CACNA2D1: variants seen among roughly 807,000 people sequenced by gnomAD.
CACNA2D1 encodes calcium voltage-gated channel auxiliary subunit alpha2delta 1.
CACNA2D1 carries 53 observed loss-of-function variants against 171.5 expected under a neutral mutation model. The ratio of observed to expected loss-of-function variants is 0.31; its 90% CI spans 0.25 to 0.39. CACNA2D1 has a LOEUF of 0.39. Ranked by LOEUF, CACNA2D1 falls within the 10% of genes least tolerant of loss-of-function variation. The pLI is 1.00. For missense variants in CACNA2D1, 903 were observed against 1,299.8 expected, an observed-to-expected ratio of 0.69 and a Z score of 4.69; for synonymous variants, 442 against 443.1, an observed-to-expected ratio of 1.00 and a Z score of 0.03.
chr7:82,161,394 G>T (rs977845598), intron 4 of CACNA2D1, among the ~76,000 whole-genome samples: 3 of 152,000 alleles, frequency 2.0e-5, no homozygotes, highest in Admixed American at 6.6e-5. Flanking sequence ...AAAGAATAGT[G>T]GAGTGGATTC....
At chr7:82,056,816 A>G (rs1218413657) in intron 10 of CACNA2D1, among the ~76,000 whole-genome samples, 1 of 152,202 alleles carries the variant, frequency 6.6e-6, no homozygotes, top group Non-Finnish European at 1.5e-5. Context: ...GGTGTCATCA[A>G]GTATCACTAA....
chr7:82,443,310 C>T, intron 1 of CACNA2D1, 55 bp downstream of exon 1: 1 of 1,546,796 alleles, frequency 6.5e-7, no homozygotes, highest in Non-Finnish European at 8.8e-7. Flanking sequence ...GACCCCCACC[C>T]CCAACTCCCG....
chr7:82,060,206 T>TAAA lies in CACNA2D1; in HGVS notation c.879+221_879+222insTTT, dbSNP rs1436921805. 7.6e-3 allele frequency among the ~76,000 whole-genome samples: 233 copies of TAAA among 30,566 alleles called. 11 individuals carry two copies. The highest frequency in any genetic ancestry group is 0.027 in the African/African-American group (220 of 8,156). The allele number at this position is 30,566 out of a possible 152,430, so 20.1% of individuals were successfully genotyped here. A position where few individuals can be genotyped will look rare whatever the true frequency, so the allele number is the denominator to read the frequency against. ...ATATATATATTATATATATATTATA[T>TAAA]ATATAATATATATATAATATATATA... On this transcript the variant is annotated intron_variant, in intron 10 of 38. Coordinates refer to ENST00000356860, the MANE Select transcript of CACNA2D1 (RefSeq NM_000722.4).
chr7:82,406,375 C>A (rs1189877385), intron 1 of CACNA2D1, among the ~76,000 whole-genome samples: 1 of 152,150 alleles, frequency 6.6e-6, no homozygotes, highest in African/African-American at 2.4e-5. Context: ...GTCTTTATAG[C>A]AGCATGATTT....
In CACNA2D1 at chr7:82,204,944, C is replaced by T. The variant is rs1324289042; in HGVS notation, c.295-34335G>A. Among the ~76,000 whole-genome samples, 3 of 152,312 alleles carry T rather than the reference C, an allele frequency of 2.0e-5. No homozygotes were observed. In the East Asian group the frequency reaches 5.8e-4, roughly 29 times the overall value. On this transcript the variant is annotated intron_variant, in intron 3 of 38. Transcript: ENST00000356860. ...CTCCACTCATTATGTAACCATGCCACGTGAGGTGCATTAGGTGATCACCCA... is the reference window on the plus strand; with the variant it reads ...CTCCACTCATTATGTAACCATGCCATGTGAGGTGCATTAGGTGATCACCCA...
intron 1 of CACNA2D1, among the ~76,000 whole-genome samples, chr7:82,443,007 G>A (rs576846988): frequency 6.6e-6 from 1 of 152,382 alleles, no homozygotes; most frequent in Non-Finnish European, 1.5e-5. Context: ...GAACTGGGTT[G>A]AATCAGAGCG....
intron 3 of CACNA2D1, among the ~76,000 whole-genome samples, chr7:82,292,330 C>A (rs1811748066): frequency 6.6e-6 from 1 of 152,100 alleles, no homozygotes; most frequent in Admixed American, 6.6e-5. Context: ...GATTAAACTC[C>A]TTGCTTGCTG....
chr7:81,958,097 TAAAAAGAA>T (rs1027948064), intron 38 of CACNA2D1, among the ~76,000 whole-genome samples: 14 of 149,884 alleles, frequency 9.3e-5, no homozygotes, highest in Admixed American at 2.6e-4. Context: ...TAATATATCT[TAAAAAGAA>T]AAAAAAAACG....
At chr7:82,267,666 G>A (rs990639401) in intron 3 of CACNA2D1, among the ~76,000 whole-genome samples, 1 of 151,996 alleles carries the variant, frequency 6.6e-6, no homozygotes, top group East Asian at 1.9e-4. Context: ...TTATCTTACT[G>A]AATTGAAGAA....
chr7:82,157,776 G>A (rs1417123883), intron 4 of CACNA2D1, among the ~76,000 whole-genome samples: 1 of 151,988 alleles, frequency 6.6e-6, no homozygotes, highest in Non-Finnish European at 1.5e-5. Flanking sequence ...ACCCTCTCCT[G>A]AGTGTAACTA....
chr7:82,302,222 T>C (rs1236240461), intron 3 of CACNA2D1, among the ~76,000 whole-genome samples: 1 of 152,182 alleles, frequency 6.6e-6, no homozygotes, highest in African/African-American at 2.4e-5. Flanking sequence ...ATAAAAAATG[T>C]TTTATGTATT....
intron 3 of CACNA2D1, among the ~76,000 whole-genome samples, chr7:82,292,695 T>A (rs2129417466): frequency 6.6e-6 from 1 of 152,274 alleles, no homozygotes; most frequent in East Asian, 1.9e-4. Flanking sequence ...GTAATATAAT[T>A]TCTTCAGTGT....
chr7:82,415,090 C>G (rs1828033957), intron 1 of CACNA2D1, among the ~76,000 whole-genome samples: 1 of 152,120 alleles, frequency 6.6e-6, no homozygotes, highest in East Asian at 1.9e-4. Context: ...AAGAATTATC[C>G]TATTCACCCA....
rs1488630758 is a variant in CACNA2D1 at position 81,950,131 on chromosome 7, T to TTTCCA, written c.*256_*260dup. The TTTCCA allele has an allele frequency of 2.0e-6, 1 of 495,966 alleles. No homozygotes were observed. The highest frequency in any genetic ancestry group is 3.5e-6 in the Non-Finnish European group (1 of 282,840). 30.7% of individuals were successfully genotyped at this position (495,966 alleles called of 1,614,324 possible). A position where few individuals can be genotyped will look rare whatever the true frequency, so the allele number is the denominator to read the frequency against. On this transcript the variant is annotated 3_prime_UTR_variant, in exon 39 of 39. Coordinates refer to ENST00000356860, the MANE Select transcript of CACNA2D1 (RefSeq NM_000722.4). Reference sequence around the variant, plus strand: ...ACAATGCAACAACAAACTCCCAAATTTTCCAATAGAGGACACGTATAGGAT... The same window carrying TTTCCA: ...ACAATGCAACAACAAACTCCCAAATTTTCCATTCCAATAGAGGACACGTATAGGAT...
At chr7:82,148,725 C>T (rs112935888) in intron 4 of CACNA2D1, among the ~76,000 whole-genome samples, 2,952 of 152,192 alleles carry the variant, frequency 0.019, 98 homozygotes, top group African/African-American at 0.067. Context: ...GCAACCTCCG[C>T]CTCCCAGGTT....
intron 22 of CACNA2D1, 85 bp downstream of exon 22, chr7:81,984,550 T>C: frequency 1.3e-6 from 1 of 771,726 alleles, no homozygotes; most frequent in Middle Eastern, 2.3e-4. Context: ...TCATAAGCCT[T>C]GGGTATTCCA....
chr7:82,190,321 A>T (rs1467602082), intron 3 of CACNA2D1, among the ~76,000 whole-genome samples: 1 of 151,854 alleles, frequency 6.6e-6, no homozygotes, highest in Non-Finnish European at 1.5e-5. Context: ...ATTGCTTCAT[A>T]TCCATAATTG....
chr7:82,240,278 G>A (rs2036089109), intron 3 of CACNA2D1, among the ~76,000 whole-genome samples: 1 of 152,050 alleles, frequency 6.6e-6, no homozygotes, highest in Non-Finnish European at 1.5e-5. Flanking sequence ...GTTTATTTTG[G>A]TTATTAAGTA....
chr7:82,162,497 G>T (rs1210374167), intron 4 of CACNA2D1, among the ~76,000 whole-genome samples: 2 of 151,988 alleles, frequency 1.3e-5, no homozygotes, highest in East Asian at 3.9e-4. Flanking sequence ...CACAGCAGGG[G>T]AGAGCTGGTC....
Sources: allele counts gnomAD v4.1 joint callset (sites outside exome capture counted in the v4.1 genomes callset), GRCh38; gene constraint gnomAD v4.1.1; transcripts MANE v1.5; gene names NCBI Gene and HGNC (gene_info 2026-07-23, HGNC 2026-07-21).